The following VPS13A variants were observed in gnomAD, a reference collection of about 807,000 sequenced individuals.
VPS13A encodes vacuolar protein sorting 13 homolog A.
VPS13A carries 264 observed loss-of-function variants against 390.9 expected under a neutral mutation model. The ratio of observed to expected loss-of-function variants is 0.68; its 90% CI spans 0.61 to 0.75. The LOEUF (loss-of-function observed/expected upper bound fraction) is 0.75, where lower values mean the gene tolerates loss of function less well. Among genes scored for constraint, VPS13A ranks in the 30% least tolerant of loss-of-function variants. The pLI, the probability that VPS13A is intolerant of heterozygous loss-of-function variation, is 0.00. For missense variants in VPS13A, 3,409 were observed against 3,733.9 expected, an observed-to-expected ratio of 0.91 and a Z score of 2.27; for synonymous variants, 1,231 against 1,227.1, an observed-to-expected ratio of 1.00 and a Z score of -0.07.
At position 77,314,570 on chromosome 9, in the gene VPS13A, A is replaced by G. The variant is rs751726119; in HGVS notation, c.4318A>G (p.Lys1440Glu). The change falls in exon 37 of 72, where the codon AAA (lysine) becomes GAA (glutamate). Residue 1440 changes from lysine (K) to glutamate (E), a missense_variant. Lys to Glu is a moderately conservative substitution (Grantham distance 56). Around this residue, in one of 5 missense-constraint regions of VPS13A, gnomAD observed 2,717 missense variants for 2,917.4 expected, o/e 0.93. Transcript: ENST00000360280. ...ATTGGAGAATATTATAAGTACTTTAAAAATGTATACAGATGGCTCAACATT... is the reference window on the plus strand; with the variant it reads ...ATTGGAGAATATTATAAGTACTTTAGAAATGTATACAGATGGCTCAACATT... ...FKLENIISTL[K>E]MYTDGSTFSS... 2 of 1,611,292 alleles carry G rather than the reference A, an allele frequency of 1.2e-6. No individual in the cohort carries two copies. Among genetic ancestry groups the G allele is most frequent in the Admixed American group, 3.3e-5 (2 of 59,946 alleles).
rs567216901 is a variant in VPS13A, at chr9:77,332,423, TTATA to T, written c.6095+315_6095+318del. On this transcript the variant is annotated intron_variant, in intron 46 of 71. Coordinates refer to ENST00000360280, the MANE Select transcript of VPS13A (RefSeq NM_033305.3). ...AGATCATGCCTGGTGGTTTCTGAAT[TTATA>T]TATACTATTATGAAGTAATTTGTAC... Among the ~76,000 whole-genome samples the T allele has an allele frequency of 7.2e-3, 1,089 of 152,052 alleles. 15 individuals are homozygous for T. Among genetic ancestry groups the T allele is most frequent in the African/African-American group, 0.024 (1,016 of 41,550 alleles).
intron 1 of VPS13A, among the ~76,000 whole-genome samples, chr9:77,181,323 A>G (rs1356650177): frequency 1.3e-5 from 2 of 151,998 alleles, no homozygotes; most frequent in African/African-American, 2.4e-5. Context: ...AGCCTGGCCA[A>G]TGTGGTGAAA....
At chr9:77,302,313 C>G (rs1239660427) in intron 33 of VPS13A, among the ~76,000 whole-genome samples, 1 of 149,866 alleles carries the variant, frequency 6.7e-6, no homozygotes, top group Non-Finnish European at 1.5e-5. Context: ...AACTTATATA[C>G]TTTTGCACTT....
At chr9:77,227,743 C>G (rs1823602481) in intron 16 of VPS13A, among the ~76,000 whole-genome samples, 1 of 148,840 alleles carries the variant, frequency 6.7e-6, no homozygotes, top group Non-Finnish European at 1.5e-5. Flanking sequence ...CCATGTTGCT[C>G]AGGCTGGTTT....
intron 67 of VPS13A, among the ~76,000 whole-genome samples, chr9:77,378,339 A>T (rs1833227655): frequency 6.6e-6 from 1 of 152,270 alleles, no homozygotes; most frequent in Non-Finnish European, 1.5e-5. Flanking sequence ...TACTTGGTAA[A>T]GGTCTAGTTA....
rs755788493 is a variant in VPS13A, at chr9:77,319,568, G to A, written c.5314-4G>A. 6.4e-6 allele frequency: 10 copies of A among 1,566,858 alleles called. No homozygotes were observed. Among genetic ancestry groups the A allele is most frequent in the South Asian group, 3.3e-5 (3 of 90,018 alleles). ...ATTTTTAATTTAAAAAATTCTCTCT[G>A]TAGGTGCATTATTATAATGAAATGT... On this transcript the variant is annotated splice_region_variant and splice_polypyrimidine_tract_variant and intron_variant, in intron 41 of 71. Transcript: ENST00000360280.
chr9:77,381,178 C>G (rs1272951872), intron 67 of VPS13A, among the ~76,000 whole-genome samples: 1 of 152,150 alleles, frequency 6.6e-6, no homozygotes, highest in African/African-American at 2.4e-5. Flanking sequence ...GGGTCTCACT[C>G]TGGCATCCTG....
chr9:77,187,172 A>G (rs1368727410), intron 1 of VPS13A, among the ~76,000 whole-genome samples: 1 of 152,180 alleles, frequency 6.6e-6, no homozygotes, highest in Non-Finnish European at 1.5e-5. Flanking sequence ...GGCTGTTGTG[A>G]ATAATGGTGT....
chr9:77,356,978 C>G, intron 55 of VPS13A, 111 bp downstream of exon 55: 1 of 1,164,756 alleles, frequency 8.6e-7, no homozygotes, highest in Non-Finnish European at 1.2e-6. Flanking sequence ...CAAAATAATC[C>G]TGTCATACAT....
At chr9:77,348,782 A>C (rs1185868471) in intron 52 of VPS13A, among the ~76,000 whole-genome samples, 1 of 152,202 alleles carries the variant, frequency 6.6e-6, no homozygotes, top group Non-Finnish European at 1.5e-5. Context: ...ACAGATAGTG[A>C]ATAGTCTGAG....
Position 77,312,964 on chromosome 9 carries a change from CA to C in VPS13A, c.4115-1024del, listed in dbSNP as rs1829179273. On this transcript the variant is annotated intron_variant, in intron 35 of 71. Transcript: ENST00000360280. ...ACCCCAAAATAAGTGCATATATACACAAAATGACTCATTTAGGAATACGTAT... is the reference window on the plus strand; with the variant it reads ...ACCCCAAAATAAGTGCATATATACACAAATGACTCATTTAGGAATACGTAT... Among the ~76,000 whole-genome samples the C allele has an allele frequency of 7.2e-5, 11 of 152,152 alleles. No individual in the cohort carries two copies. In the South Asian group the frequency reaches 2.3e-3, roughly 32 times the overall value.
chr9:77,296,584 C>G (rs1161907280), intron 33 of VPS13A, among the ~76,000 whole-genome samples: 1 of 151,878 alleles, frequency 6.6e-6, no homozygotes, highest in Non-Finnish European at 1.5e-5. Context: ...ATGAGTCTGT[C>G]TTTCCCTCCT....
At chr9:77,320,016 G>T (rs1452185879) in intron 42 of VPS13A, among the ~76,000 whole-genome samples, 2 of 152,002 alleles carry the variant, frequency 1.3e-5, no homozygotes, top group Non-Finnish European at 2.9e-5. Flanking sequence ...GGCCAATGTT[G>T]CCTATGCTTC....
At chr9:77,357,009 A>G in intron 55 of VPS13A, 142 bp downstream of exon 55, 1 of 983,042 alleles carries the variant, frequency 1.0e-6, no homozygotes, top group Non-Finnish European at 1.5e-6. Context: ...AAATGTTTTA[A>G]AGAGGTGTTT....
chr9:77,403,372 C>A, intron 69 of VPS13A, 51 bp downstream of exon 69: 2 of 1,412,920 alleles, frequency 1.4e-6, no homozygotes, highest in Non-Finnish European at 2.0e-6. Context: ...TAACTGACAG[C>A]GACTCATGAG....
rs150832325 is a variant in VPS13A, at chr9:77,253,451, G to T, written c.2288+1099G>T. On this transcript the variant is annotated intron_variant, in intron 22 of 71. Transcript: ENST00000360280. ...CTCCTGAGTAGCTGGGACTACAAGC[G>T]CATGCCACCACGCCCAGCTAATTTT... is the stretch of plus-strand genomic sequence containing the variant. Among the ~76,000 whole-genome samples the T allele has an allele frequency of 4.4e-3, 663 of 152,064 alleles. 3 individuals are homozygous for T. Among genetic ancestry groups the T allele is most frequent in the African/African-American group, 0.015 (628 of 41,478 alleles).
chr9:77,198,105 G>A (rs1412692165), intron 1 of VPS13A, among the ~76,000 whole-genome samples: 2 of 152,036 alleles, frequency 1.3e-5, no homozygotes, highest in Non-Finnish European at 2.9e-5. Context: ...CACCTACAAT[G>A]CTGTGTTTTG....
Position 77,187,608 on chromosome 9 carries a change from TACAC to T in VPS13A, c.100+9828_100+9831del, listed in dbSNP as rs34649735. On this transcript the variant is annotated intron_variant, in intron 1 of 71. Coordinates refer to ENST00000360280, the MANE Select transcript of VPS13A (RefSeq NM_033305.3). ...AGTTGTAAGAGTTTACATACAAACA[TACAC>T]ACACACACACACACACACACACAAT... is the stretch of plus-strand genomic sequence containing the variant. 1.5e-3 allele frequency among the ~76,000 whole-genome samples: 229 copies of T among 147,948 alleles called. No homozygotes were observed. In the East Asian group the frequency reaches 0.021, roughly 14 times the overall value.
chr9:77,274,156 G>A (rs749514443), intron 24 of VPS13A, among the ~76,000 whole-genome samples: 8 of 152,104 alleles, frequency 5.3e-5, no homozygotes, highest in East Asian at 1.9e-4. Context: ...CCAGCCAGGC[G>A]CAGTGGCTCA....
Sources: gnomAD v4.1 joint callset for allele counts (sites outside exome capture counted in the v4.1 genomes callset) on GRCh38, gnomAD v4.1.1 for gene constraint, gnomAD v4.1.1 regional missense constraint, MANE v1.5 for transcripts, NCBI Gene and HGNC (gene_info 2026-07-23, HGNC 2026-07-21) for gene names.